VWC2: variants seen among roughly 807,000 people sequenced by gnomAD.
VWC2 encodes the protein brorin.
VWC2 carries 14 observed loss-of-function variants against 29.8 expected under a neutral mutation model. The observed-to-expected ratio is 0.47, with a 90% confidence interval of 0.31 to 0.74. VWC2 has a LOEUF of 0.74. Ranked by LOEUF, VWC2 falls within the 30% of genes least tolerant of loss-of-function variation. The pLI is 0.05. For synonymous variants in VWC2, 213 were observed against 199.0 expected (o/e 1.07, Z -0.59); for missense variants, 457 against 459.8 (o/e 0.99, Z 0.05).
At chr7:49,841,986 C>A (rs1184403438) in intron 3 of VWC2, among the ~76,000 whole-genome samples, 1 of 152,120 alleles carries the variant, frequency 6.6e-6, no homozygotes, top group East Asian at 1.9e-4. Flanking sequence ...CCTGTCTCAG[C>A]CTCCTGAGTA....
intron 3 of VWC2, among the ~76,000 whole-genome samples, chr7:49,860,437 C>G (rs1466546236): frequency 1.3e-5 from 2 of 152,204 alleles, no homozygotes; most frequent in Non-Finnish European, 2.9e-5. Context: ...GTGCTTCATT[C>G]CTTTCTGTGG....
chr7:49,892,543 G>A (rs1231942262), intron 3 of VWC2, among the ~76,000 whole-genome samples: 1 of 152,166 alleles, frequency 6.6e-6, no homozygotes, highest in Non-Finnish European at 1.5e-5. Context: ...ATCAGCAAAG[G>A]CACATGAGGG....
At position 49,913,303 on chromosome 7, in the gene VWC2, C is replaced by T. The variant is rs1793553766; in HGVS notation, c.*1118C>T. ...TCCTATAGTTATAATTCCAAACCAA[C>T]TTCTTTTCTCTTCATTTGAACAGAG... On this transcript the variant is annotated 3_prime_UTR_variant, in exon 4 of 4. Transcript: ENST00000340652. 1 of 152,212 alleles carries T rather than the reference C, an allele frequency of 6.6e-6. No homozygotes were observed. The highest frequency in any genetic ancestry group is 6.5e-5 in the Admixed American group (1 of 15,278). 9.4% of individuals were successfully genotyped at this position (152,212 alleles called of 1,614,324 possible).
At chr7:49,780,767 T>A (rs1319636863) in intron 2 of VWC2, among the ~76,000 whole-genome samples, 1 of 152,198 alleles carries the variant, frequency 6.6e-6, no homozygotes, top group Non-Finnish European at 1.5e-5. Context: ...GCATAAGAAC[T>A]GTTGAGAGAG....
At position 49,909,546 on chromosome 7, in the gene VWC2, G is replaced by C. The variant is rs541162538; in HGVS notation, c.827-2488G>C. ...GAATATCCTTTTGGGGCCACTGGGTGGGGAGGGGTCTTGAATTTAAAGTCT... is the reference window on the plus strand; with the variant it reads ...GAATATCCTTTTGGGGCCACTGGGTCGGGAGGGGTCTTGAATTTAAAGTCT... On this transcript the variant is annotated intron_variant, in intron 3 of 3. Coordinates refer to ENST00000340652, the MANE Select transcript of VWC2 (RefSeq NM_198570.5). Among the ~76,000 whole-genome samples the C allele has an allele frequency of 6.6e-5, 10 of 152,232 alleles. No homozygotes were observed. The South Asian group carries it at 2.1e-3, about 32-fold the overall frequency.
At chr7:49,883,292 A>G (rs1791755088) in intron 3 of VWC2, among the ~76,000 whole-genome samples, 1 of 152,130 alleles carries the variant, frequency 6.6e-6, no homozygotes, top group South Asian at 2.1e-4. Flanking sequence ...GGGCACTGCC[A>G]TGGAGAACAA....
chr7:49,874,400 T>C (rs1013248488), intron 3 of VWC2, among the ~76,000 whole-genome samples: 6 of 152,218 alleles, frequency 3.9e-5, no homozygotes, highest in South Asian at 2.1e-4. Flanking sequence ...CTAGGAGCAA[T>C]AGGCTATATC....
chr7:49,791,125 G>A (rs1788455248), intron 2 of VWC2, among the ~76,000 whole-genome samples: 1 of 152,144 alleles, frequency 6.6e-6, no homozygotes, highest in Non-Finnish European at 1.5e-5. Flanking sequence ...TTTTCCTCCA[G>A]CTCTGAAATC....
At chr7:49,878,132 A>G (rs1471168962) in intron 3 of VWC2, among the ~76,000 whole-genome samples, 1 of 152,012 alleles carries the variant, frequency 6.6e-6, no homozygotes, top group African/African-American at 2.4e-5. Context: ...TGGTGCTTCT[A>G]CCCACAGCCT....
At chr7:49,807,595 T>C (rs543912693) in intron 3 of VWC2, among the ~76,000 whole-genome samples, 1 of 152,308 alleles carries the variant, frequency 6.6e-6, no homozygotes, top group East Asian at 1.9e-4. Context: ...AAAGAGATCA[T>C]GATTGCTACC....
rs1005219030 is a variant in VWC2 at position 49,912,451 on chromosome 7, A to T, written c.*266A>T. 3.2e-6 allele frequency: 1 copy of T among 310,932 alleles called. No homozygotes were observed. The highest frequency in any genetic ancestry group is 6.0e-6 in the Non-Finnish European group (1 of 166,190). 19.3% of individuals were successfully genotyped at this position (310,932 alleles called of 1,614,324 possible). On this transcript the variant is annotated 3_prime_UTR_variant, in exon 4 of 4. Coordinates refer to ENST00000340652, the MANE Select transcript of VWC2 (RefSeq NM_198570.5). Reference sequence around the variant, plus strand: ...TAAGTACACAAAAGTACACTATTATATATCAAATGTATTTCTATAATCCCT... The same window carrying T: ...TAAGTACACAAAAGTACACTATTATTTATCAAATGTATTTCTATAATCCCT...
rs1387492364 is a variant in VWC2 at position 49,775,999 on chromosome 7, G to A, written c.564G>A (p.Ala188=). 1 of 1,544,606 alleles carries A rather than the reference G, an allele frequency of 6.5e-7. No homozygotes were observed. Among genetic ancestry groups the A allele is most frequent in the East Asian group, 2.4e-5 (1 of 41,082 alleles). Residue 188 remains alanine (A), a synonymous_variant, in exon 2 of 4, where the codon GCG becomes GCA. Coordinates refer to ENST00000340652, the MANE Select transcript of VWC2 (RefSeq NM_198570.5). ...GCACCGAGGAGGGGCCGCTGTGCGC[G>A]CAGCCCGAGTGCCCGAGGCTGCACC... ...CLCTEEGPLC[A]QPECPRLHPR...
In VWC2 at chr7:49,852,865, G is replaced by A. The variant is rs138444660; in HGVS notation, c.826+50025G>A. 3.2e-3 allele frequency among the ~76,000 whole-genome samples: 491 copies of A among 152,326 alleles called. 6 individuals are homozygous for A. The highest frequency in any genetic ancestry group is 0.011 in the African/African-American group (457 of 41,562). ...GTGACTGGCTCCTTGAACTACAGTT[G>A]CAGATGGAAACTGGCTTCTGTAAAG... On this transcript the variant is annotated intron_variant, in intron 3 of 3. Transcript: ENST00000340652.
chr7:49,837,067 G>A (rs1361102359), intron 3 of VWC2, among the ~76,000 whole-genome samples: 1 of 152,180 alleles, frequency 6.6e-6, no homozygotes, highest in Non-Finnish European at 1.5e-5. Context: ...TGACTTTACA[G>A]ATGATCATAT....
At chr7:49,902,113 T>A (rs189984280) in intron 3 of VWC2, among the ~76,000 whole-genome samples, 9 of 152,032 alleles carry the variant, frequency 5.9e-5, no homozygotes, top group Non-Finnish European at 1.3e-4. Context: ...AAAGTCTAGA[T>A]AGCTTTGGGT....
chr7:49,875,046 T>G (rs1456602129), intron 3 of VWC2, among the ~76,000 whole-genome samples: 2 of 151,480 alleles, frequency 1.3e-5, no homozygotes, highest in Admixed American at 6.6e-5. Flanking sequence ...AACTTGTTTC[T>G]GTGAAAAAAA....
intron 3 of VWC2, among the ~76,000 whole-genome samples, chr7:49,897,461 T>C (rs547908056): frequency 1.3e-5 from 2 of 152,332 alleles, no homozygotes; most frequent in South Asian, 4.1e-4. Flanking sequence ...GGGAGTTTAT[T>C]CCAGATATGC....
chr7:49,780,776 A>T (rs985298932), intron 2 of VWC2, among the ~76,000 whole-genome samples: 2 of 152,212 alleles, frequency 1.3e-5, no homozygotes, highest in Non-Finnish European at 2.9e-5. Context: ...CTGTTGAGAG[A>T]GAGATAACAG....
At chr7:49,865,264 T>G (rs1790829826) in intron 3 of VWC2, among the ~76,000 whole-genome samples, 1 of 151,940 alleles carries the variant, frequency 6.6e-6, no homozygotes, top group African/African-American at 2.4e-5. Flanking sequence ...GATGAAAGAG[T>G]TGATCTCTGA....
Sources: allele counts gnomAD v4.1 joint callset (sites outside exome capture counted in the v4.1 genomes callset), GRCh38; gene constraint gnomAD v4.1.1; transcripts MANE v1.5; gene names NCBI Gene and HGNC (gene_info 2026-07-23, HGNC 2026-07-21).